Variants in CCDC174 observed in about 807,000 individuals in gnomAD.
CCDC174 encodes coiled-coil domain-containing protein 174.
CCDC174 carries 37 observed loss-of-function variants against 57.1 expected under a neutral mutation model. The observed-to-expected ratio is 0.65, with a 90% CI of 0.50 to 0.85. The LOEUF is 0.85. Ranked by LOEUF, CCDC174 falls within the 40% of genes least tolerant of loss-of-function variation. CCDC174 has a pLI of 0.00. For synonymous variants in CCDC174, 182 were observed against 190.2 expected (o/e 0.96, Z 0.35); for missense variants, 540 against 574.3 (o/e 0.94, Z 0.61).
At chr3:14,662,096 T>C (rs1043162758) in intron 5 of CCDC174, among the ~76,000 whole-genome samples, 10 of 152,132 alleles carry the variant, frequency 6.6e-5, no homozygotes, top group Admixed American at 1.3e-4. Flanking sequence ...TGTTCTGACA[T>C]GGTGGAGAGC....
At chr3:14,652,908 C>A (rs897788370) in intron 1 of CCDC174, among the ~76,000 whole-genome samples, 4 of 114,072 alleles carry the variant, frequency 3.5e-5, no homozygotes, top group Non-Finnish European at 6.7e-5. Flanking sequence ...GTCTAAGGGG[C>A]GGGGGGCGGG....
At chr3:14,655,743 A>G in intron 3 of CCDC174, 114 bp downstream of exon 3, 2 of 580,980 alleles carry the variant, frequency 3.4e-6, no homozygotes, top group Non-Finnish European at 6.1e-6. Flanking sequence ...ACATCCTTCT[A>G]GCCCAATGCT....
At chr3:14,668,213 A>G in intron 9 of CCDC174, 32 bp downstream of exon 9, 1 of 1,563,432 alleles carries the variant, frequency 6.4e-7, no homozygotes, top group South Asian at 1.2e-5. Context: ...GAACTTCAAA[A>G]GGGAAAATTT....
At chr3:14,668,332 A>G (rs915528680) in intron 9 of CCDC174, 151 bp downstream of exon 9, 44 of 685,608 alleles carry the variant, frequency 6.4e-5, no homozygotes, top group Middle Eastern at 4.3e-4. Context: ...AGCAATTTTT[A>G]TAACCAAAGT....
chr3:14,671,259 T>C lies in CCDC174; in HGVS notation c.*65T>C, dbSNP rs1381168211. The C allele has an allele frequency of 6.9e-7, 1 of 1,454,870 alleles. No individual in the cohort carries two copies. The highest frequency in any genetic ancestry group is 1.4e-5 in the African/African-American group (1 of 71,118). The allele number at this position is 1,454,870 out of a possible 1,614,324, so 90.1% of individuals were successfully genotyped here. A position where few individuals can be genotyped will look rare whatever the true frequency, so the allele number is the denominator to read the frequency against. On this transcript the variant is annotated 3_prime_UTR_variant, in exon 11 of 11. Coordinates refer to ENST00000383794, the MANE Select transcript of CCDC174 (RefSeq NM_016474.5). ...TGCCTTTCTCTCCCAGAGGGAGAAA[T>C]AACTTTAGGAACTGAATTGTACCTT... is the stretch of plus-strand genomic sequence containing the variant.
chr3:14,654,369 C>T, intron 1 of CCDC174, 57 bp from the exon 2 acceptor site: 1 of 847,314 alleles, frequency 1.2e-6, no homozygotes, highest in East Asian at 2.5e-5. Context: ...AATAATTTAG[C>T]AATCCAGTCA....
rs1376480426 is a variant in CCDC174, at chr3:14,672,466, C to T, written c.*1272C>T. ...AATTGATGTCTAACCCCTAGACAGT[C>T]TTTTTAGTGCCCTCTGCTCTCAGTC... On this transcript the variant is annotated 3_prime_UTR_variant, in exon 11 of 11. Coordinates refer to ENST00000383794, the MANE Select transcript of CCDC174 (RefSeq NM_016474.5). 1 of 152,200 alleles carries T rather than the reference C, an allele frequency of 6.6e-6. No individual in the cohort carries two copies. The highest frequency in any genetic ancestry group is 1.5e-5 in the Non-Finnish European group (1 of 68,052). 9.4% of individuals were successfully genotyped at this position (152,200 alleles called of 1,614,324 possible). A position where few individuals can be genotyped will look rare whatever the true frequency, so the allele number is the denominator to read the frequency against.
chr3:14,651,887 G>C lies in CCDC174; in HGVS notation c.42+9G>C, dbSNP rs2030779249. Reference sequence around the variant, plus strand: ...ACGTCACGGCCTCCTCGGTGAGTGAGGGTATGAGGTAACTCCACGGGCTCC... The same window carrying C: ...ACGTCACGGCCTCCTCGGTGAGTGACGGTATGAGGTAACTCCACGGGCTCC... On this transcript the variant is annotated intron_variant, in intron 1 of 10. Transcript: ENST00000383794. 2.5e-6 allele frequency: 4 copies of C among 1,613,670 alleles called. No homozygotes were observed. Among genetic ancestry groups the C allele is most frequent in the Non-Finnish European group, 3.4e-6 (4 of 1,179,650 alleles).
chr3:14,665,397 C>T lies in CCDC174; in HGVS notation c.581+274C>T, dbSNP rs116382494. Among the ~76,000 whole-genome samples the T allele has an allele frequency of 8.0e-3, 1,211 of 152,272 alleles. 12 individuals are homozygous for T. Among genetic ancestry groups the T allele is most frequent in the African/African-American group, 0.027 (1,142 of 41,536 alleles). ...AACAGAGTAACAGAATAAACCCAAA[C>T]GAAACCAGCAAACCAGGCTTTGTGG... is the stretch of plus-strand genomic sequence containing the variant. On this transcript the variant is annotated intron_variant, in intron 6 of 10. Transcript: ENST00000383794.
chr3:14,670,913 T>C lies in CCDC174; in HGVS notation c.1123T>C (p.Trp375Arg), dbSNP rs536279272. ...DRGKEFSFGYWSKRQSDLRAE... is the reference protein window; with the variant it reads ...DRGKEFSFGYRSKRQSDLRAE... ...TTTACCAGAATTTTCCTTTGGATAC[T>C]GGTCGAAGAGGCAGTCAGATCTCCG... Residue 375 changes from tryptophan (W) to arginine (R), a missense_variant, in exon 11 of 11, where the codon TGG becomes CGG. Coordinates refer to ENST00000383794, the MANE Select transcript of CCDC174 (RefSeq NM_016474.5). 6.2e-7 allele frequency: 1 copy of C among 1,605,482 alleles called. No individual in the cohort carries two copies. The highest frequency in any genetic ancestry group is 1.1e-5 in the South Asian group (1 of 90,530).
At chr3:14,664,493 G>T (rs1331151360) in intron 5 of CCDC174, among the ~76,000 whole-genome samples, 6 of 152,184 alleles carry the variant, frequency 3.9e-5, no homozygotes, top group Non-Finnish European at 8.8e-5. Context: ...GAGAGGTATG[G>T]TGTTTGGCTT....
At position 14,665,089 on chromosome 3, in the gene CCDC174, C is replaced by T. The variant is rs1180893664; in HGVS notation, c.547C>T (p.Leu183=). The T allele has an allele frequency of 6.2e-7, 1 of 1,613,926 alleles. No homozygotes were observed. The highest frequency in any genetic ancestry group is 8.5e-7 in the Non-Finnish European group (1 of 1,179,924). ...CTGTATGAGAAAGGATTTGCCAGAT[C>T]TGCTGGAGATGGATAAAAATCTTCA... ...RRCMRKDLPD[L]LEMDKNLQGR... Residue 183 remains leucine (L), a synonymous_variant, in exon 6 of 11, where the codon CTG becomes TTG. Transcript: ENST00000383794.
chr3:14,670,113 A>G (rs896473623), intron 10 of CCDC174, 27 bp downstream of exon 10: 1 of 1,578,360 alleles, frequency 6.3e-7, no homozygotes, highest in Non-Finnish European at 8.5e-7. Context: ...CTGAGGTGTA[A>G]GAACTCTCCA....
At chr3:14,656,854 G>A (rs9842505) in intron 3 of CCDC174, among the ~76,000 whole-genome samples, 50,167 of 151,964 alleles carry the variant, frequency 0.33, 8,418 homozygotes, top group Admixed American at 0.39. Flanking sequence ...TTCAATGTTT[G>A]GCATGACTGC....
chr3:14,657,635 G>A (rs931125157), intron 3 of CCDC174, among the ~76,000 whole-genome samples: 2 of 152,076 alleles, frequency 1.3e-5, no homozygotes, highest in Non-Finnish European at 2.9e-5. Context: ...CCTTTCTCAC[G>A]TGCTCTCATC....
At chr3:14,658,976 G>A in intron 4 of CCDC174, 47 bp downstream of exon 4, 1 of 1,413,352 alleles carries the variant, frequency 7.1e-7, no homozygotes, top group Middle Eastern at 1.9e-4. Flanking sequence ...AATGCATACA[G>A]CCCTTTGATA....
rs61316466 is a variant in CCDC174 at position 14,671,225 on chromosome 3, C to G, written c.*31C>G. On this transcript the variant is annotated 3_prime_UTR_variant, in exon 11 of 11. Coordinates refer to ENST00000383794, the MANE Select transcript of CCDC174 (RefSeq NM_016474.5). ...CAAAGCACGCTGACTTGGGTTTGTA[C>G]TTTGACAGTGCCTTTCTCTCCCAGA... 9.2e-3 allele frequency: 14,398 copies of G among 1,571,414 alleles called. 136 individuals carry two copies. Among genetic ancestry groups the G allele is most frequent in the African/African-American group, 0.044 (3,238 of 74,094 alleles).
intron 6 of CCDC174, among the ~76,000 whole-genome samples, chr3:14,665,995 G>A (rs1383218597): frequency 7.2e-6 from 1 of 138,320 alleles, no homozygotes; most frequent in Non-Finnish European, 1.5e-5. Flanking sequence ...CCAAGATGAC[G>A]CCACTGCACT....
chr3:14,671,211 G>T lies in CCDC174; in HGVS notation c.*17G>T, dbSNP rs1482719723. On this transcript the variant is annotated 3_prime_UTR_variant, in exon 11 of 11. Transcript: ENST00000383794. ...GTGACATGATCTTTCAAAGCACGCTGACTTGGGTTTGTACTTTGACAGTGC... is the reference window on the plus strand; with the variant it reads ...GTGACATGATCTTTCAAAGCACGCTTACTTGGGTTTGTACTTTGACAGTGC... The T allele has an allele frequency of 6.3e-7, 1 of 1,594,406 alleles. No individual in the cohort carries two copies. The highest frequency in any genetic ancestry group is 1.7e-5 in the Admixed American group (1 of 58,776).
Sources: gnomAD v4.1 joint callset for allele counts (sites outside exome capture counted in the v4.1 genomes callset) on GRCh38, gnomAD v4.1.1 for gene constraint, MANE v1.5 for transcripts, NCBI Gene and HGNC (gene_info 2026-07-23, HGNC 2026-07-21) for gene names.